Variants in CNOT1 observed in about 807,000 individuals in gnomAD.
CNOT1 encodes the protein CCR4-associated factor 1.
Under a neutral mutation model 273.8 loss-of-function variants are expected in CNOT1, and 15 were observed. That is an observed-to-expected ratio of 0.05 (90% confidence interval 0.04 to 0.08). CNOT1 has a LOEUF of 0.08. Ranked by LOEUF, CNOT1 falls within the 10% of genes least tolerant of loss-of-function variation. CNOT1 has a pLI of 1.00. For missense variants in CNOT1, 1,644 were observed against 2,912.2 expected, an observed-to-expected ratio of 0.56 and a Z score of 10.02; for synonymous variants, 1,022 against 1,005.5, an observed-to-expected ratio of 1.02 and a Z score of -0.31.
intron 24 of CNOT1, among the ~76,000 whole-genome samples, chr16:58,550,842 C>CT (rs139483565): frequency 0.32 from 48,166 of 152,042 alleles, 9,623 homozygotes; most frequent in Non-Finnish European, 0.45. Context: ...AATAAATACT[C>CT]TGAATAGTCT....
In CNOT1 at chr16:58,587,357, G is replaced by A. The variant is rs2041909066; in HGVS notation, c.366C>T (p.Ser122=). The change falls in exon 5 of 49, where the codon AGC becomes AGT. Residue 122 remains serine (S), a synonymous_variant. Coordinates refer to ENST00000317147, the MANE Select transcript of CNOT1 (RefSeq NM_016284.5). ...ATAAATCACTCACCTCTTGTACTTT[G>A]CTTAATTTGAGCACTTTACTCAGCT... ...FAQLSKVLKL[S]KVQEVIFGLA... is the part of the protein sequence containing the mutation. 7 of 1,613,782 alleles carry A rather than the reference G, an allele frequency of 4.3e-6. No individual in the cohort carries two copies. In the Admixed American group the frequency reaches 6.7e-5, roughly 15 times the overall value.
At chr16:58,610,372 C>T (rs1019797724) in intron 1 of CNOT1, among the ~76,000 whole-genome samples, 1 of 152,132 alleles carries the variant, frequency 6.6e-6, no homozygotes, top group Admixed American at 6.6e-5. Context: ...CACCAATGCA[C>T]GCCAGCCTGG....
intron 2 of CNOT1, among the ~76,000 whole-genome samples, chr16:58,596,887 C>CAAAAAAAAAAA (rs58567423): frequency 1.6e-4 from 11 of 69,982 alleles, no homozygotes; most frequent in African/African-American, 6.0e-4. Context: ...GACTCCGTCT[C>CAAAAAAAAAAA]AAAAAAAAAA....
Position 58,577,258 on chromosome 16 carries a change from C to A in CNOT1, c.1585-676G>T, listed in dbSNP as rs115140741. Among the ~76,000 whole-genome samples the A allele has an allele frequency of 3.3e-3, 500 of 152,242 alleles. 3 individuals carry two copies. The highest frequency in any genetic ancestry group is 0.011 in the African/African-American group (468 of 41,536). ...TTGTCCTAGAGTGGCAGATGGTCTG[C>A]TAGAACAAGTATTCAATCACAAGTG... is the stretch of plus-strand genomic sequence containing the variant. On this transcript the variant is annotated intron_variant, in intron 13 of 48. Transcript: ENST00000317147.
intron 1 of CNOT1, among the ~76,000 whole-genome samples, chr16:58,608,304 C>T (rs963932010): frequency 2.0e-5 from 3 of 152,022 alleles, no homozygotes; most frequent in Non-Finnish European, 4.4e-5. Flanking sequence ...AACGTAATCC[C>T]AGTACTATGG....
In CNOT1 at chr16:58,576,580, T is replaced by A. The variant is rs2041464229; in HGVS notation, c.1587A>T (p.Gly529=). The change falls in exon 14 of 49, where the codon GGA becomes GGT. Residue 529 remains glycine (G), a splice_region_variant and synonymous_variant. Transcript: ENST00000317147. ...TAAGTTGGCGAATTGAGGGAGACTGTCCCTAAAAAGGGGAAGAAAGATTAA... is the reference window on the plus strand; with the variant it reads ...TAAGTTGGCGAATTGAGGGAGACTGACCCTAAAAAGGGGAAGAAAGATTAA... ...IILHYAWHGQ[G]QSPSIRQLIM... 1 of 1,613,994 alleles carries A rather than the reference T, an allele frequency of 6.2e-7. No individual in the cohort carries two copies. Among genetic ancestry groups the A allele is most frequent in the African/African-American group, 1.3e-5 (1 of 74,928 alleles).
At chr16:58,554,935 C>CAA (rs56180546) in intron 21 of CNOT1, among the ~76,000 whole-genome samples, 6 of 78,902 alleles carry the variant, frequency 7.6e-5, no homozygotes, top group African/African-American at 2.5e-4. Flanking sequence ...GACTCCATCT[C>CAA]AAAAAAAAAA....
rs1482904368 is a variant in CNOT1 at position 58,538,227 on chromosome 16, C to T, written c.5175G>A (p.Val1725=). 3 of 1,446,796 alleles carry T rather than the reference C, an allele frequency of 2.1e-6. No individual in the cohort carries two copies. The highest frequency in any genetic ancestry group is 1.1e-5 in the South Asian group (1 of 87,752). 89.6% of individuals were successfully genotyped at this position (1,446,796 alleles called of 1,614,324 possible). Reference sequence around the variant, plus strand: ...TGCGAATTAGCAGCTCCACAGCCTCCACATTATATTTATATTCATCTCGAC... The same window carrying T: ...TGCGAATTAGCAGCTCCACAGCCTCTACATTATATTTATATTCATCTCGAC... ...IECRDEYKYN[V]EAVELLIRNH... Residue 1725 remains valine (V), a synonymous_variant, in exon 37 of 49, where the codon GTG becomes GTA. Transcript: ENST00000317147.
At chr16:58,601,018 G>GGTCTC (rs2042442397) in intron 1 of CNOT1, among the ~76,000 whole-genome samples, 1 of 152,114 alleles carries the variant, frequency 6.6e-6, no homozygotes, top group South Asian at 2.1e-4. Flanking sequence ...TTAATGGCAC[G>GGTCTC]GTCTCAGCTC....
At chr16:58,545,324 A>C in intron 30 of CNOT1, 37 bp downstream of exon 30, 1 of 1,602,308 alleles carries the variant, frequency 6.2e-7, no homozygotes, top group Non-Finnish European at 8.5e-7. Context: ...CCTTATCACA[A>C]ACTAGAAGCT....
At chr16:58,551,000 A>G in intron 24 of CNOT1, 132 bp downstream of exon 24, 18 of 1,459,712 alleles carry the variant, frequency 1.2e-5, no homozygotes, top group Non-Finnish European at 1.6e-5. Context: ...CAAACCCACT[A>G]GTTAAATATA....
intron 35 of CNOT1, 118 bp downstream of exon 35, chr16:58,539,650 G>C (rs1203755500): frequency 9.3e-7 from 1 of 1,070,872 alleles, no homozygotes; most frequent in Admixed American, 3.3e-5. Context: ...CCTACTTACA[G>C]AACTTGATTT....
intron 31 of CNOT1, 124 bp from the exon 32 acceptor site, chr16:58,542,692 T>C (rs2040128563): frequency 1.4e-6 from 2 of 1,383,814 alleles, no homozygotes; most frequent in Non-Finnish European, 9.6e-7. Context: ...GTTCTGACTC[T>C]ACTTATGAAC....
At chr16:58,574,919 C>G in intron 15 of CNOT1, 88 bp downstream of exon 15, 1 of 1,574,920 alleles carries the variant, frequency 6.3e-7, no homozygotes, top group Non-Finnish European at 8.6e-7. Flanking sequence ...TAGTTTATTA[C>G]TGCTGCACAA....
At chr16:58,551,090 AG>A in intron 24 of CNOT1, 41 bp downstream of exon 24, 1 of 1,599,126 alleles carries the variant, frequency 6.3e-7, no homozygotes, top group Non-Finnish European at 8.5e-7. Flanking sequence ...TAGTCCATTA[AG>A]GAAAAAAGAA....
At chr16:58,523,732 T>C (rs1444604384) in intron 46 of CNOT1, 1 of 391,408 alleles carries the variant, frequency 2.6e-6, no homozygotes, top group Non-Finnish European at 4.6e-6. Flanking sequence ...ACAGACCCAC[T>C]ATGTGCTAAT....
rs1354360309 is a variant in CNOT1, at chr16:58,585,449, C to T, written c.695G>A (p.Arg232Gln). 8.7e-6 allele frequency: 14 copies of T among 1,611,184 alleles called. No individual in the cohort carries two copies. Among genetic ancestry groups the T allele is most frequent in the Non-Finnish European group, 1.1e-5 (13 of 1,178,770 alleles). Residue 232 changes from arginine to glutamine, a missense_variant, in exon 8 of 49, where the codon CGG (arginine) becomes CAG (glutamine). Coordinates refer to ENST00000317147, the MANE Select transcript of CNOT1 (RefSeq NM_016284.5). ...CAGGATCCTGTCCATTAGAATGTCC[C>T]GTTTTTCAGGGTATAAAAGTGGTGC... The part of the protein sequence containing the change: ...VLAPLLYPEK[R>Q]DILMDRILPD...
chr16:58,603,018 C>T (rs542051410), intron 1 of CNOT1, among the ~76,000 whole-genome samples: 1 of 152,242 alleles, frequency 6.6e-6, no homozygotes, highest in South Asian at 2.1e-4. Flanking sequence ...ATACCTATAG[C>T]CAAAACCTAT....
At chr16:58,608,750 G>GGT (rs369129845) in intron 1 of CNOT1, among the ~76,000 whole-genome samples, 20 of 152,116 alleles carry the variant, frequency 1.3e-4, no homozygotes, top group Non-Finnish European at 2.5e-4. Flanking sequence ...AACAAACTGT[G>GGT]GTATATATAT....
Sources: allele counts gnomAD v4.1 joint callset (sites outside exome capture counted in the v4.1 genomes callset), GRCh38; gene constraint gnomAD v4.1.1; transcripts MANE v1.5; gene names NCBI Gene and HGNC (gene_info 2026-07-23, HGNC 2026-07-21).